CAAP1: variants seen among roughly 807,000 people sequenced by gnomAD.
The protein encoded by CAAP1 is conserved anti-apoptotic protein.
Under a neutral mutation model 34.0 loss-of-function variants are expected in CAAP1, and 20 were observed. The observed-to-expected ratio is 0.59, with a 90% CI of 0.41 to 0.86. CAAP1 has a LOEUF of 0.86. Ranked by LOEUF, CAAP1 falls within the 40% of genes least tolerant of loss-of-function variation. The pLI is 0.00. For missense variants in CAAP1, 538 were observed against 450.5 expected (o/e 1.19, Z -1.76); for synonymous variants, 213 against 166.7 (o/e 1.28, Z -2.14).
chr9:26,847,232 T>G (rs1587087486), intron 5 of CAAP1, among the ~76,000 whole-genome samples: 1 of 104,266 alleles, frequency 9.6e-6, no homozygotes, highest in East Asian at 5.0e-4. Flanking sequence ...TTTTTTTTTT[T>G]GACACGGAGT....
chr9:26,883,189 C>T (rs777974381), intron 4 of CAAP1, among the ~76,000 whole-genome samples: 10 of 151,964 alleles, frequency 6.6e-5, no homozygotes, highest in African/African-American at 1.9e-4. Context: ...TGGAAGGGGC[C>T]GGGGCAGAAT....
At chr9:26,865,481 G>C (rs111650233) in intron 4 of CAAP1, among the ~76,000 whole-genome samples, 1 of 151,758 alleles carries the variant, frequency 6.6e-6, no homozygotes. Context: ...CCAAGATCAT[G>C]CCATTGCACT....
At chr9:26,847,734 T>G (rs1350267715) in intron 5 of CAAP1, among the ~76,000 whole-genome samples, 1 of 151,250 alleles carries the variant, frequency 6.6e-6, no homozygotes, top group South Asian at 2.1e-4. Context: ...ATTTATGGTG[T>G]TTTTTTTTCT....
intron 5 of CAAP1, among the ~76,000 whole-genome samples, chr9:26,852,723 A>AT (rs1822781611): frequency 6.6e-6 from 1 of 152,184 alleles, no homozygotes; most frequent in African/African-American, 2.4e-5. Context: ...GGTGACTTCT[A>AT]TAAGACTACA....
At chr9:26,866,988 G>A (rs926451311) in intron 4 of CAAP1, among the ~76,000 whole-genome samples, 1 of 152,096 alleles carries the variant, frequency 6.6e-6, no homozygotes. Context: ...GCGGTGGTGG[G>A]CAAGCAAGCA....
chr9:26,885,775 C>T (rs62544411), intron 3 of CAAP1, among the ~76,000 whole-genome samples: 10,613 of 152,014 alleles, frequency 0.07, 421 homozygotes, highest in Middle Eastern at 0.15. Context: ...AAATCTAAAG[C>T]AGAAAATTAA....
chr9:26,891,799 G>A (rs909860672), intron 1 of CAAP1, among the ~76,000 whole-genome samples: 1 of 152,172 alleles, frequency 6.6e-6, no homozygotes, highest in Non-Finnish European at 1.5e-5. Flanking sequence ...GGCAAGAAAA[G>A]GGACTTGACG....
chr9:26,874,134 G>A (rs1823358200), intron 4 of CAAP1, among the ~76,000 whole-genome samples: 1 of 148,326 alleles, frequency 6.7e-6, no homozygotes, highest in African/African-American at 2.5e-5. Flanking sequence ...GTGAACCCGG[G>A]AGGTGGAACT....
intron 4 of CAAP1, among the ~76,000 whole-genome samples, chr9:26,880,788 G>A (rs1007439162): frequency 6.6e-6 from 1 of 152,148 alleles, no homozygotes; most frequent in Non-Finnish European, 1.5e-5. Context: ...TGACTCTCCT[G>A]CCTCAGCCTC....
At chr9:26,849,481 A>C (rs1217873940) in intron 5 of CAAP1, among the ~76,000 whole-genome samples, 2 of 152,236 alleles carry the variant, frequency 1.3e-5, no homozygotes, top group Non-Finnish European at 2.9e-5. Flanking sequence ...TAACATCAGT[A>C]ACTTAGATCT....
intron 4 of CAAP1, among the ~76,000 whole-genome samples, chr9:26,876,548 T>C (rs1210055414): frequency 6.7e-6 from 1 of 149,702 alleles, no homozygotes; most frequent in Non-Finnish European, 1.5e-5. Context: ...GTAAGTGCCC[T>C]GTACAGGTGT....
At chr9:26,892,367 G>C (rs1190187722) in intron 1 of CAAP1, 46 bp downstream of exon 1, 2 of 1,595,090 alleles carry the variant, frequency 1.3e-6, no homozygotes, top group Non-Finnish European at 1.7e-6. Flanking sequence ...GACTTCTTCC[G>C]AAAAAGCAGC....
intron 5 of CAAP1, among the ~76,000 whole-genome samples, chr9:26,853,508 T>C (rs1309825311): frequency 6.6e-6 from 1 of 152,078 alleles, no homozygotes; most frequent in Non-Finnish European, 1.5e-5. Context: ...AGTTAGACAG[T>C]GTAGAAAAAA....
At chr9:26,891,554 T>C (rs146696092) in intron 1 of CAAP1, among the ~76,000 whole-genome samples, 10 of 149,596 alleles carry the variant, frequency 6.7e-5, no homozygotes, top group African/African-American at 2.2e-4. Flanking sequence ...ATAAAGGTGT[T>C]TGTATTGTAG....
intron 5 of CAAP1, among the ~76,000 whole-genome samples, chr9:26,848,765 G>C (rs1822676088): frequency 6.6e-6 from 1 of 152,008 alleles, no homozygotes; most frequent in African/African-American, 2.4e-5. Flanking sequence ...AGAGAGATTG[G>C]GTCTTATGTT....
intron 5 of CAAP1, among the ~76,000 whole-genome samples, chr9:26,854,910 G>A (rs919579318): frequency 1.3e-5 from 2 of 152,182 alleles, no homozygotes; most frequent in Admixed American, 1.3e-4. Context: ...ATAGGAATGT[G>A]GAGCAATGGG....
chr9:26,860,986 G>A (rs568689948), intron 5 of CAAP1, 80 bp downstream of exon 5: 6 of 991,252 alleles, frequency 6.1e-6, no homozygotes, highest in Admixed American at 1.8e-5. Flanking sequence ...GGGTGAGTTA[G>A]ACACTGAAAA....
chr9:26,884,754 T>A, intron 4 of CAAP1, 56 bp downstream of exon 4: 1 of 1,153,268 alleles, frequency 8.7e-7, no homozygotes, highest in Non-Finnish European at 1.3e-6. Flanking sequence ...ACATAAGAAA[T>A]CACCAAAGGA....
At chr9:26,863,380 A>T (rs1208286153) in intron 4 of CAAP1, among the ~76,000 whole-genome samples, 1 of 152,174 alleles carries the variant, frequency 6.6e-6, no homozygotes, top group Non-Finnish European at 1.5e-5. Context: ...GAAAATTTAA[A>T]ATCTATACTA....
Sources: allele counts gnomAD v4.1 joint callset (sites outside exome capture counted in the v4.1 genomes callset), GRCh38; gene constraint gnomAD v4.1.1; transcripts MANE v1.5; gene names NCBI Gene and HGNC (gene_info 2026-07-23, HGNC 2026-07-21).